DCC: variants seen among roughly 807,000 people sequenced by gnomAD.
DCC encodes DCC netrin 1 receptor, also known as netrin receptor DCC.
A neutral mutation model predicts 172.5 loss-of-function variants in DCC; 58 were observed. The ratio of observed to expected loss-of-function variants is 0.34; its 90% confidence interval spans 0.27 to 0.42. The LOEUF (loss-of-function observed/expected upper bound fraction) is 0.42, where lower values mean the gene tolerates loss of function less well. Ranked by LOEUF, DCC falls within the 10% of genes least tolerant of loss-of-function variation. DCC has a pLI of 1.00. For missense variants in DCC, 1,740 were observed against 1,791.0 expected, an observed-to-expected ratio of 0.97 and a Z score of 0.51; for synonymous variants, 709 against 644.5, an observed-to-expected ratio of 1.10 and a Z score of -1.52.
At chr18:52,929,360 A>G (rs2040268100) in intron 5 of DCC, among the ~76,000 whole-genome samples, 2 of 151,552 alleles carry the variant, frequency 1.3e-5, no homozygotes, top group African/African-American at 4.8e-5. Context: ...TTTATTTTTA[A>G]TCTTACTGAA....
intron 1 of DCC, among the ~76,000 whole-genome samples, chr18:52,626,930 T>C (rs1333514212): frequency 6.6e-6 from 1 of 152,170 alleles, no homozygotes; most frequent in Non-Finnish European, 1.5e-5. Flanking sequence ...GAGGGTTCCT[T>C]GGTATCATGG....
intron 7 of DCC, among the ~76,000 whole-genome samples, chr18:53,079,907 T>C (rs917820444): frequency 6.6e-6 from 1 of 152,194 alleles, no homozygotes; most frequent in Non-Finnish European, 1.5e-5. Flanking sequence ...ATGCAGGGGC[T>C]GGATCACAGA....
At chr18:53,344,908 A>C (rs1318016084) in intron 15 of DCC, among the ~76,000 whole-genome samples, 4 of 151,084 alleles carry the variant, frequency 2.6e-5, no homozygotes, top group Non-Finnish European at 4.4e-5. Flanking sequence ...AAAGGAAAGA[A>C]AAGAAAAGAA....
chr18:52,730,860 A>C (rs2036628356), intron 1 of DCC, among the ~76,000 whole-genome samples: 1 of 152,166 alleles, frequency 6.6e-6, no homozygotes, highest in Admixed American at 6.6e-5. Flanking sequence ...GCAATAATGC[A>C]CTGCACCCCA....
intron 12 of DCC, among the ~76,000 whole-genome samples, chr18:53,216,188 T>C (rs2055846016): frequency 1.3e-5 from 2 of 152,184 alleles, no homozygotes; most frequent in South Asian, 4.1e-4. Context: ...AGTAGCCTAA[T>C]GCCAGAGGTC....
intron 5 of DCC, among the ~76,000 whole-genome samples, chr18:53,000,200 A>G (rs1191618622): frequency 6.6e-6 from 1 of 152,096 alleles, no homozygotes; most frequent in East Asian, 1.9e-4. Context: ...CTTGGAAACT[A>G]ATAGAATACC....
intron 9 of DCC, among the ~76,000 whole-genome samples, chr18:53,179,544 C>T (rs556609777): frequency 2.2e-4 from 34 of 152,266 alleles, no homozygotes; most frequent in Middle Eastern, 3.4e-3. Flanking sequence ...AGCTTGAACA[C>T]GCACCGCATG....
rs112810192 is a variant in DCC at position 53,060,624 on chromosome 18, C to T, written c.986-2681C>T. The stretch of plus-strand genomic sequence containing the variant: ...TAACAATATTACAACTATAATAATA[C>T]GGCTAAATCAGATTATTTTCCCCTT... On this transcript the variant is annotated intron_variant, in intron 5 of 28. Coordinates refer to ENST00000442544, the MANE Select transcript of DCC (RefSeq NM_005215.4). Among the ~76,000 whole-genome samples the T allele has an allele frequency of 8.7e-3, 1,324 of 152,160 alleles. 23 individuals carry two copies. Among genetic ancestry groups the T allele is most frequent in the African/African-American group, 0.029 (1,217 of 41,540 alleles).
At chr18:52,439,188 G>A (rs1252333954) in intron 1 of DCC, among the ~76,000 whole-genome samples, 2 of 151,484 alleles carry the variant, frequency 1.3e-5, no homozygotes, top group East Asian at 1.9e-4. Flanking sequence ...GTGTGTGTGT[G>A]TGTGTGTGTG....
chr18:53,241,498 TG>T (rs2056293889), intron 12 of DCC, among the ~76,000 whole-genome samples: 1 of 152,104 alleles, frequency 6.6e-6, no homozygotes, highest in South Asian at 2.1e-4. Flanking sequence ...CGCAGTTTCA[TG>T]GTCCCTGGGG....
chr18:52,896,440 T>C (rs565888660), intron 2 of DCC, among the ~76,000 whole-genome samples: 5 of 152,190 alleles, frequency 3.3e-5, no homozygotes. Context: ...TGAAAGATAG[T>C]TGCCACTATT....
intron 24 of DCC, among the ~76,000 whole-genome samples, chr18:53,463,206 GAC>G (rs755881723): frequency 2.0e-5 from 3 of 152,192 alleles, no homozygotes; most frequent in Non-Finnish European, 4.4e-5. Context: ...TGACTTCTAA[GAC>G]ACATCCTTCT....
At chr18:52,700,522 C>A (rs1458304119) in intron 1 of DCC, among the ~76,000 whole-genome samples, 6 of 152,210 alleles carry the variant, frequency 3.9e-5, no homozygotes, top group African/African-American at 1.2e-4. Flanking sequence ...AATTGCCCCC[C>A]ACAGGCTCCT....
chr18:52,515,884 AT>A (rs2031621960), intron 1 of DCC, among the ~76,000 whole-genome samples: 1 of 149,210 alleles, frequency 6.7e-6, no homozygotes, highest in Non-Finnish European at 1.5e-5. Context: ...TATATAAGGA[AT>A]TCTCAAAACT....
chr18:52,571,732 C>T (rs925924229), intron 1 of DCC, among the ~76,000 whole-genome samples: 1 of 152,140 alleles, frequency 6.6e-6, no homozygotes, highest in Non-Finnish European at 1.5e-5. Context: ...AGATCAGATC[C>T]ATACCAGGGA....
At chr18:52,561,050 A>C (rs2033024358) in intron 1 of DCC, among the ~76,000 whole-genome samples, 2 of 152,276 alleles carry the variant, frequency 1.3e-5, no homozygotes, top group South Asian at 4.1e-4. Flanking sequence ...GTTTGGTGTT[A>C]TTCAATACTG....
chr18:53,181,156 G>A (rs1045100923), intron 9 of DCC, among the ~76,000 whole-genome samples: 1 of 152,180 alleles, frequency 6.6e-6, no homozygotes. Flanking sequence ...AGCTTTAAAA[G>A]CATGCTCATT....
At chr18:52,496,443 G>A (rs1034675937) in intron 1 of DCC, among the ~76,000 whole-genome samples, 6 of 152,150 alleles carry the variant, frequency 3.9e-5, no homozygotes, top group African/African-American at 1.2e-4. Context: ...CAAAACATCA[G>A]AAAAGTTATT....
At chr18:53,526,069 CAA>C (rs937549142) in intron 27 of DCC, among the ~76,000 whole-genome samples, 1 of 151,430 alleles carries the variant, frequency 6.6e-6, no homozygotes, top group Non-Finnish European at 1.5e-5. Flanking sequence ...AAAAGCCATA[CAA>C]AAAAAACCAG....
Sources: gnomAD v4.1 joint callset for allele counts (sites outside exome capture counted in the v4.1 genomes callset) on GRCh38, gnomAD v4.1.1 for gene constraint, MANE v1.5 for transcripts, NCBI Gene and HGNC (gene_info 2026-07-23, HGNC 2026-07-21) for gene names.